GALNTL6: variants seen among roughly 807,000 people sequenced by gnomAD.
GALNTL6 encodes polypeptide N-acetylgalactosaminyltransferase like 6.
A neutral mutation model predicts 73.7 loss-of-function variants in GALNTL6; 46 were observed. The observed-to-expected ratio is 0.62, with a 90% confidence interval of 0.49 to 0.80. The LOEUF is 0.80. Ranked by LOEUF, GALNTL6 falls within the 30% of genes least tolerant of loss-of-function variation. The probability of loss-of-function intolerance (pLI) is 0.00; values close to 1 mark genes in which losing one functional copy is unlikely to be tolerated. For synonymous variants in GALNTL6, 259 were observed against 263.7 expected, an observed-to-expected ratio of 0.98 and a Z score of 0.17; for missense variants, 604 against 755.0, an observed-to-expected ratio of 0.80 and a Z score of 2.34.
chr4:171,934,655 A>G (rs1349921884), intron 2 of GALNTL6, among the ~76,000 whole-genome samples: 1 of 151,950 alleles, frequency 6.6e-6, no homozygotes, highest in Non-Finnish European at 1.5e-5. Flanking sequence ...GGCTCAAGAA[A>G]TCCTCCTGAC....
intron 2 of GALNTL6, among the ~76,000 whole-genome samples, chr4:172,172,148 A>ACC (rs1025111587): frequency 1.3e-5 from 2 of 152,038 alleles, no homozygotes; most frequent in African/African-American, 4.8e-5. Context: ...ATGTGGATGG[A>ACC]CCCTAATTCA....
At chr4:172,942,451 A>T (rs746842764) in intron 9 of GALNTL6, among the ~76,000 whole-genome samples, 9 of 152,182 alleles carry the variant, frequency 5.9e-5, no homozygotes, top group Non-Finnish European at 1.0e-4. Flanking sequence ...GTGATTTTTT[A>T]AAAATATCAA....
At chr4:172,944,933 CTGTA>C (rs1472396769) in intron 9 of GALNTL6, among the ~76,000 whole-genome samples, 2 of 151,918 alleles carry the variant, frequency 1.3e-5, no homozygotes, top group African/African-American at 4.8e-5. Flanking sequence ...TGGCATGCGC[CTGTA>C]ATCCCAGCTA....
At chr4:171,939,872 A>T (rs1396898092) in intron 2 of GALNTL6, among the ~76,000 whole-genome samples, 3 of 152,188 alleles carry the variant, frequency 2.0e-5, no homozygotes, top group African/African-American at 7.2e-5. Flanking sequence ...CTGAAACAAT[A>T]AACAGACAAA....
At chr4:172,247,468 C>T (rs553439882) in intron 3 of GALNTL6, among the ~76,000 whole-genome samples, 3 of 152,288 alleles carry the variant, frequency 2.0e-5, no homozygotes, top group Admixed American at 6.5e-5. Context: ...CACAGAGAGC[C>T]TCATACAAAA....
intron 2 of GALNTL6, among the ~76,000 whole-genome samples, chr4:171,903,458 G>A (rs1239553074): frequency 6.6e-6 from 1 of 152,140 alleles, no homozygotes; most frequent in Non-Finnish European, 1.5e-5. Flanking sequence ...CGGCACACCA[G>A]GAGATTAAAT....
chr4:172,583,712 C>A (rs549894224), intron 5 of GALNTL6, among the ~76,000 whole-genome samples: 5 of 151,892 alleles, frequency 3.3e-5, no homozygotes, highest in Admixed American at 2.6e-4. Context: ...CCAGCCTGAC[C>A]AACATGGTGA....
In GALNTL6 at chr4:172,607,725, G is replaced by T. The variant is rs1180780119; in HGVS notation, c.554-201636G>T. 3.9e-5 allele frequency among the ~76,000 whole-genome samples: 6 copies of T among 152,082 alleles called. No individual in the cohort carries two copies. In the East Asian group the frequency reaches 1.2e-3, roughly 29 times the overall value. On this transcript the variant is annotated intron_variant, in intron 5 of 12. Coordinates refer to ENST00000506823, the MANE Select transcript of GALNTL6 (RefSeq NM_001034845.3). ...ACATTCCCACCAGCAGTGTGTAAAT[G>T]TTCCCTTTCCTTTATAGCCTCATCA... is the stretch of plus-strand genomic sequence containing the variant.
intron 5 of GALNTL6, among the ~76,000 whole-genome samples, chr4:172,686,532 C>A (rs1170755337): frequency 6.6e-6 from 1 of 152,142 alleles, no homozygotes; most frequent in Non-Finnish European, 1.5e-5. Flanking sequence ...TTATATGATT[C>A]TATTCATAAA....
intron 10 of GALNTL6, among the ~76,000 whole-genome samples, chr4:172,984,416 C>G (rs938933456): frequency 6.6e-6 from 1 of 152,144 alleles, no homozygotes; most frequent in Non-Finnish European, 1.5e-5. Context: ...GGGAAACCGC[C>G]CCCATGATTC....
At chr4:172,348,242 A>G (rs933606953) in intron 4 of GALNTL6, among the ~76,000 whole-genome samples, 40 of 152,308 alleles carry the variant, frequency 2.6e-4, no homozygotes, top group African/African-American at 8.4e-4. Context: ...CAACAGGAAA[A>G]ATGTACATCA....
At chr4:173,017,206 T>C (rs1752818119) in intron 11 of GALNTL6, among the ~76,000 whole-genome samples, 1 of 152,230 alleles carries the variant, frequency 6.6e-6, no homozygotes, top group African/African-American at 2.4e-5. Flanking sequence ...TGGACTAATA[T>C]ACATTGTAAA....
intron 3 of GALNTL6, among the ~76,000 whole-genome samples, chr4:172,308,095 A>G (rs973335876): frequency 7.4e-6 from 1 of 135,598 alleles, no homozygotes; most frequent in Non-Finnish European, 1.5e-5. Context: ...CCATTGGTAC[A>G]TAGCAGTGTT....
chr4:172,019,030 T>C (rs1317739772), intron 2 of GALNTL6, among the ~76,000 whole-genome samples: 1 of 152,160 alleles, frequency 6.6e-6, no homozygotes, highest in African/African-American at 2.4e-5. Flanking sequence ...CCCAGTGGGA[T>C]ATGTTAGGAG....
At chr4:172,862,307 C>T (rs1744433652) in intron 7 of GALNTL6, among the ~76,000 whole-genome samples, 1 of 152,114 alleles carries the variant, frequency 6.6e-6, no homozygotes, top group Admixed American at 6.6e-5. Flanking sequence ...AGCCCCTGCC[C>T]CAGAGGTCTG....
At chr4:172,499,171 C>G (rs943237244) in intron 5 of GALNTL6, among the ~76,000 whole-genome samples, 1 of 152,106 alleles carries the variant, frequency 6.6e-6, no homozygotes, top group Non-Finnish European at 1.5e-5. Flanking sequence ...TGCAAGTTTG[C>G]ATGTCTCCAA....
intron 2 of GALNTL6, among the ~76,000 whole-genome samples, chr4:172,091,649 TATA>T: frequency 6.6e-6 from 1 of 152,216 alleles, no homozygotes; most frequent in East Asian, 1.9e-4. Context: ...TATGTCCTCT[TATA>T]ATAATATAAA....
chr4:172,533,411 G>A (rs749877576), intron 5 of GALNTL6, among the ~76,000 whole-genome samples: 37 of 120,408 alleles, frequency 3.1e-4, no homozygotes, highest in African/African-American at 4.2e-4. Context: ...TGCAACCTCC[G>A]CCTCCCCAGT....
intron 5 of GALNTL6, among the ~76,000 whole-genome samples, chr4:172,718,921 A>G (rs1735278073): frequency 6.6e-6 from 1 of 151,672 alleles, no homozygotes; most frequent in African/African-American, 2.4e-5. Context: ...AATTAAGGCA[A>G]TCACATATGC....
Sources: allele counts gnomAD v4.1 joint callset (sites outside exome capture counted in the v4.1 genomes callset), GRCh38; gene constraint gnomAD v4.1.1; transcripts MANE v1.5; gene names NCBI Gene and HGNC (gene_info 2026-07-23, HGNC 2026-07-21).